Variants in C4orf36 observed in about 807,000 individuals in gnomAD.
C4orf36 encodes the protein uncharacterized protein C4orf36.
C4orf36 carries 11 observed loss-of-function variants against 12.2 expected under a neutral mutation model. The observed-to-expected ratio is 0.90, with a 90% CI of 0.57 to 1.49. The LOEUF (loss-of-function observed/expected upper bound fraction) is 1.49, where lower values mean the gene tolerates loss of function less well. C4orf36 is among the 40% of genes most tolerant of loss of function. The probability of loss-of-function intolerance (pLI) is 0.00; values close to 1 mark genes in which losing one functional copy is unlikely to be tolerated. For synonymous variants in C4orf36, 54 were observed against 51.3 expected (o/e 1.05, Z -0.22); for missense variants, 137 against 133.9 (o/e 1.02, Z -0.11).
At chr4:86,894,621 A>C (rs1747550593), upstream of C4orf36, among the ~76,000 whole-genome samples, 1 of 152,172 alleles carries the variant, frequency 6.6e-6, no homozygotes, top group Admixed American at 6.5e-5. Flanking sequence ...CATATGCATA[A>C]AATTCCTGAC....
At chr4:86,911,252 C>G in the C4orf36 span, among the ~76,000 whole-genome samples, 1 of 152,166 alleles carries the variant, frequency 6.6e-6, no homozygotes, top group Admixed American at 6.5e-5. Context: ...AGGAGACTTA[C>G]ACTGGCTCTT....
intron 4 of C4orf36, among the ~76,000 whole-genome samples, chr4:86,877,059 A>G (rs1746943811): frequency 6.6e-6 from 1 of 152,216 alleles, no homozygotes; most frequent in Admixed American, 6.5e-5. Flanking sequence ...AAAAAGAAAG[A>G]GTTCAGGCCG....
the C4orf36 span, among the ~76,000 whole-genome samples, chr4:86,897,952 A>C: frequency 1.3e-5 from 2 of 152,232 alleles, no homozygotes; most frequent in African/African-American, 4.8e-5. Flanking sequence ...ATAGGAAAAA[A>C]AAGTATTTCC....
At chr4:86,891,920 A>T in intron 1 of C4orf36, 1 of 895,968 alleles carries the variant, frequency 1.1e-6, no homozygotes, top group Non-Finnish European at 1.4e-6. Context: ...GAGCGACCAA[A>T]GGCTCTGCCT....
chr4:86,889,225 T>C (rs913624565), intron 2 of C4orf36, among the ~76,000 whole-genome samples: 4 of 151,610 alleles, frequency 2.6e-5, no homozygotes, highest in African/African-American at 7.3e-5. Context: ...TGGCGGGCGC[T>C]TGTAATCCCA....
At chr4:86,906,728 C>CAAAAAAA in the C4orf36 span, among the ~76,000 whole-genome samples, 10 of 78,816 alleles carry the variant, frequency 1.3e-4, no homozygotes, top group Non-Finnish European at 1.7e-4. Context: ...AAGACGGTCT[C>CAAAAAAA]AAAAAAAAAA....
chr4:86,890,871 T>C (rs1334322410), intron 2 of C4orf36, among the ~76,000 whole-genome samples: 2 of 152,242 alleles, frequency 1.3e-5, no homozygotes, highest in Non-Finnish European at 1.5e-5. Context: ...AATTGTTATA[T>C]GCATCTTGCA....
upstream of C4orf36, among the ~76,000 whole-genome samples, chr4:86,893,459 G>A (rs377239855): frequency 3.7e-4 from 56 of 152,100 alleles, no homozygotes; most frequent in African/African-American, 1.3e-3. Flanking sequence ...GGTGGCGCGC[G>A]CCTGTCGTCC....
rs1746930212 is a variant in C4orf36, at chr4:86,876,410, G to T, written c.*36C>A. The T allele has an allele frequency of 6.2e-7, 1 of 1,612,114 alleles. No individual in the cohort carries two copies. The highest frequency in any genetic ancestry group is 1.7e-5 in the Admixed American group (1 of 59,846). On this transcript the variant is annotated 3_prime_UTR_variant, in exon 5 of 5. Coordinates refer to ENST00000295898, the MANE Select transcript of C4orf36 (RefSeq NM_144645.4). ...AGGAGAAGCAGTTCCCGCCGGCGCT[G>T]CTGAGTTTCTTCATCTACAATCCGC... is the stretch of plus-strand genomic sequence containing the variant.
At chr4:86,914,202 C>G in the C4orf36 span, 2 of 1,594,298 alleles carry the variant, frequency 1.3e-6, no homozygotes, top group Non-Finnish European at 1.7e-6. Context: ...AGTAGCTGCA[C>G]AGTTAATTCT....
upstream of C4orf36, among the ~76,000 whole-genome samples, chr4:86,893,222 T>C (rs1747497106): frequency 6.6e-6 from 1 of 152,162 alleles, no homozygotes; most frequent in Non-Finnish European, 1.5e-5. Context: ...TCAGGGTGGT[T>C]AAAGGGCTGC....
intron 4 of C4orf36, among the ~76,000 whole-genome samples, chr4:86,882,212 A>T (rs116796084): frequency 3.9e-5 from 6 of 152,320 alleles, no homozygotes; most frequent in Non-Finnish European, 8.8e-5. Flanking sequence ...TGGAAGCAGG[A>T]CTCTTCTCTC....
chr4:86,926,513 C>T, the C4orf36 span, among the ~76,000 whole-genome samples: 9 of 152,318 alleles, frequency 5.9e-5, no homozygotes, highest in African/African-American at 1.7e-4. Context: ...AGAGGGCCTC[C>T]ATCCCCTGTA....
At chr4:86,931,925 C>T in the C4orf36 span, among the ~76,000 whole-genome samples, 1 of 151,592 alleles carries the variant, frequency 6.6e-6, no homozygotes, top group Non-Finnish European at 1.5e-5. Context: ...GTCCCAGCTA[C>T]TCAGGAGGCT....
In C4orf36 at chr4:86,892,229, C is replaced by T; in HGVS notation, c.-120G>A. 2 of 985,694 alleles carry T rather than the reference C, an allele frequency of 2.0e-6. No individual in the cohort carries two copies. Among genetic ancestry groups the T allele is most frequent in the Non-Finnish European group, 2.4e-6 (2 of 830,156 alleles). 61.1% of individuals were successfully genotyped at this position (985,694 alleles called of 1,614,324 possible). ...ACTCGCCAGGAATGCGCTGTGTGCG[C>T]GGGGCTTCCAGGGTGGCGGGTCCCC... On this transcript the variant is annotated 5_prime_UTR_variant, in exon 1 of 5. Transcript: ENST00000295898.
chr4:86,898,550 T>G, the C4orf36 span, among the ~76,000 whole-genome samples: 1 of 152,080 alleles, frequency 6.6e-6, no homozygotes, highest in South Asian at 2.1e-4. Context: ...AAATAAATAA[T>G]TAAAAGAATA....
At chr4:86,886,151 T>C (rs1298045618) in intron 4 of C4orf36, among the ~76,000 whole-genome samples, 1 of 152,102 alleles carries the variant, frequency 6.6e-6, no homozygotes, top group African/African-American at 2.4e-5. Flanking sequence ...GATATTGGTC[T>C]AAAATTCTCT....
At chr4:86,895,001 G>A (rs1472946221), upstream of C4orf36, among the ~76,000 whole-genome samples, 2 of 152,122 alleles carry the variant, frequency 1.3e-5, no homozygotes, top group African/African-American at 4.8e-5. Context: ...CTGGCTCTCA[G>A]AAAATATAGG....
upstream of C4orf36, among the ~76,000 whole-genome samples, chr4:86,893,153 C>T (rs1747495621): frequency 6.6e-6 from 1 of 152,214 alleles, no homozygotes; most frequent in South Asian, 2.1e-4. Flanking sequence ...CTAAAAACAA[C>T]TTTATGAAAT....
Sources: allele counts gnomAD v4.1 joint callset (sites outside exome capture counted in the v4.1 genomes callset), GRCh38; gene constraint gnomAD v4.1.1; transcripts MANE v1.5; gene names NCBI Gene and HGNC (gene_info 2026-07-23, HGNC 2026-07-21).